Variants in TRABD2B observed in about 807,000 individuals in gnomAD.
The protein encoded by TRABD2B is TraB domain containing 2B, also known as metalloprotease TIKI2.
In TRABD2B, 14 loss-of-function variants were observed where a neutral mutation model predicts 40.1. The observed-to-expected ratio is 0.35, with a 90% CI of 0.23 to 0.55. The LOEUF is 0.55. Ranked by LOEUF, TRABD2B falls within the 20% of genes least tolerant of loss-of-function variation. The pLI is 0.90. For synonymous variants in TRABD2B, 263 were observed against 277.0 expected, an observed-to-expected ratio of 0.95 and a Z score of 0.50; for missense variants, 541 against 648.6, an observed-to-expected ratio of 0.83 and a Z score of 1.80.
At chr1:47,821,250 G>A (rs1416395476) in intron 2 of TRABD2B, among the ~76,000 whole-genome samples, 2 of 152,216 alleles carry the variant, frequency 1.3e-5, no homozygotes, top group East Asian at 3.8e-4. Context: ...TCTGTGCTAT[G>A]GAGTCTTGAG....
rs1644454539 is a variant in TRABD2B at position 47,776,875 on chromosome 1, G to A, written c.1080-1436C>T. On this transcript the variant is annotated intron_variant, in intron 5 of 6. Transcript: ENST00000606738. The stretch of plus-strand genomic sequence containing the variant: ...ATTCTCAGGATTCAGGCTGCCTGGA[G>A]ATGCCGCAGCTGCTGGGGAGATAAT... Among the ~76,000 whole-genome samples the A allele has an allele frequency of 6.6e-5, 10 of 152,334 alleles. No individual in the cohort carries two copies. In the South Asian group the frequency reaches 2.1e-3, roughly 32 times the overall value.
chr1:47,870,271 C>A (rs1048153789), intron 2 of TRABD2B, among the ~76,000 whole-genome samples: 2 of 152,126 alleles, frequency 1.3e-5, no homozygotes, highest in Non-Finnish European at 2.9e-5. Context: ...GAGATGCAGA[C>A]CTGAACCCAG....
intron 2 of TRABD2B, among the ~76,000 whole-genome samples, chr1:47,921,684 AC>A (rs1644903374): frequency 6.6e-6 from 1 of 152,192 alleles, no homozygotes; most frequent in Non-Finnish European, 1.5e-5. Flanking sequence ...GGCTTCACGA[AC>A]TTTTATTTAC....
At chr1:47,937,217 GATC>G (rs1425926345) in intron 2 of TRABD2B, among the ~76,000 whole-genome samples, 22 of 75,964 alleles carry the variant, frequency 2.9e-4, no homozygotes, top group Non-Finnish European at 3.3e-4. Flanking sequence ...CCACTACCAT[GATC>G]ATCACCATCA....
At chr1:47,990,771 TTATATATATATATATATA>T (rs55649435) in intron 2 of TRABD2B, among the ~76,000 whole-genome samples, 88 of 36,558 alleles carry the variant, frequency 2.4e-3, no homozygotes, top group Admixed American at 4.3e-3. Flanking sequence ...AACGTTGGTT[TTATATATATATATATATA>T]TATATATATA....
At position 47,811,855 on chromosome 1, in the gene TRABD2B, G is replaced by A. The variant is rs538845712; in HGVS notation, c.667-10236C>T. ...CAGGAGGGTGTGGGAGTACCTCCTA[G>A]CTCTGGAAGACCTATTCCAGGAGCC... is the stretch of plus-strand genomic sequence containing the variant. On this transcript the variant is annotated intron_variant, in intron 2 of 6. Transcript: ENST00000606738. 2.0e-5 allele frequency among the ~76,000 whole-genome samples: 3 copies of A among 152,352 alleles called. No individual in the cohort carries two copies. The East Asian group carries it at 5.8e-4, about 29-fold the overall frequency.
At chr1:47,990,822 TATATATATATATAA>T (rs1413221565) in intron 2 of TRABD2B, among the ~76,000 whole-genome samples, 3 of 75,558 alleles carry the variant, frequency 4.0e-5, no homozygotes, top group African/African-American at 1.6e-4. Context: ...TATATATATA[TATATATATATATAA>T]AACGTTGGTT....
At chr1:47,849,345 C>T (rs140238020) in intron 2 of TRABD2B, among the ~76,000 whole-genome samples, 1,908 of 152,292 alleles carry the variant, frequency 0.013, 25 homozygotes, top group Admixed American at 0.022. Flanking sequence ...AGAACACTGC[C>T]ATCTGTGAAC....
chr1:47,972,196 A>G (rs1418032855), intron 2 of TRABD2B, among the ~76,000 whole-genome samples: 1 of 152,202 alleles, frequency 6.6e-6, no homozygotes, highest in Non-Finnish European at 1.5e-5. Flanking sequence ...GGTTTCTTCC[A>G]GTTTTCTTGC....
At chr1:47,930,743 G>T (rs977419004) in intron 2 of TRABD2B, among the ~76,000 whole-genome samples, 1 of 152,016 alleles carries the variant, frequency 6.6e-6, no homozygotes, top group Non-Finnish European at 1.5e-5. Flanking sequence ...CCTCCCAGTG[G>T]CCTTCACCTC....
At chr1:47,908,909 T>G (rs1287938815) in intron 2 of TRABD2B, among the ~76,000 whole-genome samples, 1 of 152,218 alleles carries the variant, frequency 6.6e-6, no homozygotes, top group African/African-American at 2.4e-5. Flanking sequence ...CATAGCGGAC[T>G]TCCTTTACAG....
At chr1:47,889,486 C>G (rs1423277109) in intron 2 of TRABD2B, among the ~76,000 whole-genome samples, 2 of 152,190 alleles carry the variant, frequency 1.3e-5, no homozygotes, top group Non-Finnish European at 2.9e-5. Flanking sequence ...ATACCTGAAT[C>G]TTATTGCCAG....
At chr1:47,926,743 G>A (rs941297149) in intron 2 of TRABD2B, among the ~76,000 whole-genome samples, 1 of 152,130 alleles carries the variant, frequency 6.6e-6, no homozygotes, top group Non-Finnish European at 1.5e-5. Flanking sequence ...GAGGAAGGAG[G>A]CCAAGAGGAA....
intron 2 of TRABD2B, among the ~76,000 whole-genome samples, chr1:47,829,035 T>C (rs1195028654): frequency 6.6e-6 from 1 of 152,048 alleles, no homozygotes; most frequent in Non-Finnish European, 1.5e-5. Flanking sequence ...GAGCCTGTGA[T>C]GTGGGGAGGG....
At chr1:47,889,744 G>C (rs1644420126) in intron 2 of TRABD2B, among the ~76,000 whole-genome samples, 1 of 152,184 alleles carries the variant, frequency 6.6e-6, no homozygotes, top group Non-Finnish European at 1.5e-5. Flanking sequence ...CTTGGCCCCT[G>C]AGGCATGAGA....
At chr1:47,772,687 C>T (rs890822350) in intron 6 of TRABD2B, among the ~76,000 whole-genome samples, 3 of 152,124 alleles carry the variant, frequency 2.0e-5, no homozygotes, top group African/African-American at 7.2e-5. Context: ...CCAGGTCACC[C>T]CCAGAGAGCT....
intron 2 of TRABD2B, among the ~76,000 whole-genome samples, chr1:47,908,744 C>G (rs145355434): frequency 6.6e-6 from 1 of 152,262 alleles, no homozygotes; most frequent in African/African-American, 2.4e-5. Flanking sequence ...AGTGTCCCAT[C>G]TGGGAGGCAG....
At chr1:47,829,797 G>T (rs1007079487) in intron 2 of TRABD2B, among the ~76,000 whole-genome samples, 1 of 152,152 alleles carries the variant, frequency 6.6e-6, no homozygotes, top group African/African-American at 2.4e-5. Context: ...ACCACAAAAA[G>T]TCCTTTACTG....
chr1:47,769,481 G>C (rs1644350924), intron 6 of TRABD2B, among the ~76,000 whole-genome samples: 1 of 152,210 alleles, frequency 6.6e-6, no homozygotes, highest in African/African-American at 2.4e-5. Context: ...TGCTTGGCAG[G>C]AGTCCCAGAG....
Sources: gnomAD v4.1 joint callset for allele counts (sites outside exome capture counted in the v4.1 genomes callset) on GRCh38, gnomAD v4.1.1 for gene constraint, MANE v1.5 for transcripts, NCBI Gene and HGNC (gene_info 2026-07-23, HGNC 2026-07-21) for gene names.